The following GPR89A variants were observed in gnomAD, a reference collection of about 807,000 sequenced individuals.
GPR89A encodes golgi pH regulator A.
A neutral mutation model predicts 52.0 loss-of-function variants in GPR89A; 16 were observed. The observed-to-expected ratio is 0.31, with a 90% CI of 0.21 to 0.47. GPR89A has a LOEUF of 0.47. GPR89A is among the 20% of genes least tolerant of loss of function. The pLI is 1.00. For missense variants in GPR89A, 135 were observed against 449.4 expected (o/e 0.30, Z 6.33); for synonymous variants, 55 against 150.9 (o/e 0.36, Z 4.66).
chr1:145,608,156 G>T lies in GPR89A; in HGVS notation c.23G>T (p.Ser8Ile). The T allele has an allele frequency of 6.2e-7, 1 of 1,613,734 alleles. No individual in the cohort carries two copies. The highest frequency in any genetic ancestry group is 8.5e-7 in the Non-Finnish European group (1 of 1,179,846). ...GCCATGAGTTTCCTCATCGACTCCA[G>T]CATCATGATTACCTCCCAGGTGAGT... MSFLIDS[S>I]IMITSQILFF... Residue 8 changes from serine (S) to isoleucine (I), a missense_variant, in exon 1 of 14, where the codon AGC (serine) becomes ATC (isoleucine). Transcript: ENST00000313835.
chr1:145,665,674 A>G (rs1553696334), intron 12 of GPR89A, 23 bp downstream of exon 12: 1 of 1,125,388 alleles, frequency 8.9e-7, no homozygotes, highest in Non-Finnish European at 1.3e-6. Context: ...ACAGTGTTAA[A>G]AAGTACTGCT....
intron 10 of GPR89A, among the ~76,000 whole-genome samples, chr1:145,654,720 A>G (rs1651698526): frequency 6.6e-6 from 1 of 151,472 alleles, no homozygotes; most frequent in Non-Finnish European, 1.5e-5. Context: ...ACCTTGGAGA[A>G]TCTGATGATT....
At chr1:145,613,351 C>T (rs1394797212) in intron 1 of GPR89A, among the ~76,000 whole-genome samples, 2 of 151,694 alleles carry the variant, frequency 1.3e-5, no homozygotes, top group African/African-American at 4.9e-5. Context: ...CTTCTGTCAC[C>T]AAATGTCTTA....
At position 145,620,127 on chromosome 1, in the gene GPR89A, T is replaced by C. The variant is rs587683705; in HGVS notation, c.206+1704T>C. Among the ~76,000 whole-genome samples, 160 of 152,246 alleles carry C rather than the reference T, an allele frequency of 1.1e-3. 4 individuals carry two copies. The South Asian group carries it at 0.032, about 31-fold the overall frequency. On this transcript the variant is annotated intron_variant, in intron 3 of 13. Transcript: ENST00000313835. ...TATTTTACATAATGGTTATTAAATT[T>C]TATTATCACAACCTGCATCTTTCAC...
intron 5 of GPR89A, among the ~76,000 whole-genome samples, chr1:145,625,524 A>G (rs1304423509): frequency 1.4e-5 from 2 of 145,852 alleles, no homozygotes; most frequent in Non-Finnish European, 3.0e-5. Flanking sequence ...ATTTTTTCAT[A>G]GAGATGGGGT....
At chr1:145,658,233 A>G (rs1464670856) in intron 10 of GPR89A, among the ~76,000 whole-genome samples, 2 of 151,838 alleles carry the variant, frequency 1.3e-5, no homozygotes, top group Non-Finnish European at 2.9e-5. Flanking sequence ...GAGTCTCACT[A>G]TATTGCCCAG....
chr1:145,609,129 C>G lies in GPR89A; in HGVS notation c.42+954C>G, dbSNP rs117289597. Among the ~76,000 whole-genome samples, 1,426 of 152,256 alleles carry G rather than the reference C, an allele frequency of 9.4e-3. 34 individuals carry two copies. In the East Asian group the frequency reaches 0.096, roughly 10 times the overall value. On this transcript the variant is annotated intron_variant, in intron 1 of 13. Transcript: ENST00000313835. ...TGTTGACCTTCTTCCCCCCATCTTT[C>G]CAATAAAGATTTTGTGTGTGTGTGG...
chr1:145,647,817 G>C (rs1231693574), intron 10 of GPR89A, among the ~76,000 whole-genome samples: 3,138 of 5,284 alleles, frequency 0.59, 763 homozygotes, highest in Admixed American at 0.67. Flanking sequence ...CTCTCTCTTC[G>C]TCGTCGTCGA....
At chr1:145,664,219 G>A (rs1652402267) in intron 11 of GPR89A, among the ~76,000 whole-genome samples, 3 of 152,130 alleles carry the variant, frequency 2.0e-5, no homozygotes. Flanking sequence ...AAATGAAAAT[G>A]AACGAGAGCA....
intron 1 of GPR89A, among the ~76,000 whole-genome samples, chr1:145,609,243 A>ATTCCGTTTTTGTATTGC (rs1553685703): frequency 6.6e-6 from 1 of 152,186 alleles, no homozygotes; most frequent in East Asian, 1.9e-4. Context: ...GTGTTCTTTG[A>ATTCCGTTTTTGTATTGC]TTCCGTTTTT....
At chr1:145,615,954 T>C (rs1648654161) in intron 1 of GPR89A, among the ~76,000 whole-genome samples, 1 of 151,522 alleles carries the variant, frequency 6.6e-6, no homozygotes, top group South Asian at 2.1e-4. Flanking sequence ...CTTCTCTGGC[T>C]CATATAATGA....
At chr1:145,628,563 CCT>C (rs1553689319) in intron 5 of GPR89A, among the ~76,000 whole-genome samples, 1 of 151,684 alleles carries the variant, frequency 6.6e-6, no homozygotes, top group Admixed American at 6.6e-5. Context: ...AGTTACTTAA[CCT>C]CTCTGTGCCT....
At chr1:145,625,119 T>TA (rs1240137873) in intron 5 of GPR89A, among the ~76,000 whole-genome samples, 3 of 152,268 alleles carry the variant, frequency 2.0e-5, no homozygotes, top group East Asian at 1.9e-4. Context: ...TCAGAGGAGA[T>TA]ATGCAGTTTT....
chr1:145,629,435 G>A, intron 5 of GPR89A, among the ~76,000 whole-genome samples: 1 of 152,258 alleles, frequency 6.6e-6, no homozygotes, highest in Non-Finnish European at 1.5e-5. Context: ...CAAAGGAGAA[G>A]GACAAAGGTA....
chr1:145,660,755 C>G (rs1331733022), intron 10 of GPR89A, among the ~76,000 whole-genome samples: 9 of 151,676 alleles, frequency 5.9e-5, no homozygotes, highest in African/African-American at 9.7e-5. Context: ...ACCACAATGA[C>G]ATACCATCTC....
chr1:145,621,801 GGCC>G (rs1649157521), intron 3 of GPR89A, among the ~76,000 whole-genome samples: 1 of 151,856 alleles, frequency 6.6e-6, no homozygotes, highest in African/African-American at 2.4e-5. Context: ...ATATACAAAT[GGCC>G]AGTAAGCACA....
intron 11 of GPR89A, 60 bp downstream of exon 11, chr1:145,663,484 C>G: frequency 6.2e-7 from 1 of 1,603,446 alleles, no homozygotes; most frequent in Non-Finnish European, 8.5e-7. Flanking sequence ...TATAACTTAC[C>G]ATTGTTAAGA....
At position 145,615,441 on chromosome 1, in the gene GPR89A, T is replaced by G. The variant is rs1345425067; in HGVS notation, c.43-793T>G. 2.6e-5 allele frequency among the ~76,000 whole-genome samples: 4 copies of G among 151,916 alleles called. No homozygotes were observed. In the East Asian group the frequency reaches 7.7e-4, roughly 29 times the overall value. ...TCACTGCAGCCTCAACTTCCTAGGCTCAGGTGATCTTCCCACCTCAGCCTC... is the reference window on the plus strand; with the variant it reads ...TCACTGCAGCCTCAACTTCCTAGGCGCAGGTGATCTTCCCACCTCAGCCTC... On this transcript the variant is annotated intron_variant, in intron 1 of 13. Transcript: ENST00000313835.
At chr1:145,650,782 A>C (rs1406490311) in intron 10 of GPR89A, among the ~76,000 whole-genome samples, 1 of 151,414 alleles carries the variant, frequency 6.6e-6, no homozygotes, top group Non-Finnish European at 1.5e-5. Flanking sequence ...TGGCCACATA[A>C]ATGTCTTCTT....
Sources: allele counts gnomAD v4.1 joint callset (sites outside exome capture counted in the v4.1 genomes callset), GRCh38; gene constraint gnomAD v4.1.1; transcripts MANE v1.5; gene names NCBI Gene and HGNC (gene_info 2026-07-23, HGNC 2026-07-21).